The following ENPP1 variants were observed in gnomAD, a reference collection of about 807,000 sequenced individuals.
ENPP1 encodes ectonucleotide pyrophosphatase/phosphodiesterase family member 1.
Under a neutral mutation model 122.8 loss-of-function variants are expected in ENPP1, and 73 were observed. The observed-to-expected ratio is 0.59, with a 90% confidence interval of 0.49 to 0.72. The LOEUF (loss-of-function observed/expected upper bound fraction) is 0.72, where lower values mean the gene tolerates loss of function less well. Among genes scored for constraint, ENPP1 ranks in the 30% least tolerant of loss-of-function variants. The pLI is 0.00. For synonymous variants in ENPP1, 367 were observed against 391.6 expected (o/e 0.94, Z 0.74); for missense variants, 978 against 1,128.1 (o/e 0.87, Z 1.91).
At chr6:131,813,588 T>A (rs1395305480) in intron 1 of ENPP1, among the ~76,000 whole-genome samples, 1 of 151,892 alleles carries the variant, frequency 6.6e-6, no homozygotes, top group East Asian at 1.9e-4. Context: ...AATTGATGGG[T>A]GTGCAGACAT....
intron 23 of ENPP1, 42 bp from the exon 24 acceptor site, chr6:131,886,520 T>C (rs756820784): frequency 1.4e-6 from 2 of 1,406,110 alleles, no homozygotes; most frequent in Non-Finnish European, 2.0e-6. Flanking sequence ...AAAAGGAAGA[T>C]AGTTATTTCT....
At chr6:131,816,234 C>CT (rs1228072177) in intron 1 of ENPP1, among the ~76,000 whole-genome samples, 3 of 151,440 alleles carry the variant, frequency 2.0e-5, no homozygotes, top group East Asian at 1.9e-4. Flanking sequence ...TTTATAACTT[C>CT]TTTTTTTTTC....
At chr6:131,812,068 T>A (rs1171965658) in intron 1 of ENPP1, among the ~76,000 whole-genome samples, 3 of 152,186 alleles carry the variant, frequency 2.0e-5, no homozygotes, top group African/African-American at 7.2e-5. Flanking sequence ...TTTCAGGTCA[T>A]TCACTTACAC....
At chr6:131,860,145 G>C (rs1010574460) in intron 7 of ENPP1, among the ~76,000 whole-genome samples, 1 of 152,168 alleles carries the variant, frequency 6.6e-6, no homozygotes, top group Middle Eastern at 3.4e-3. Context: ...TTTTTATATA[G>C]ATCTTTATCC....
intron 1 of ENPP1, among the ~76,000 whole-genome samples, chr6:131,811,367 T>G (rs1781348465): frequency 7.0e-6 from 1 of 143,242 alleles, no homozygotes; most frequent in African/African-American, 2.9e-5. Flanking sequence ...TATATCTATA[T>G]CTATATCTAT....
chr6:131,870,500 TG>T (rs1431246655), intron 13 of ENPP1, among the ~76,000 whole-genome samples: 5 of 152,234 alleles, frequency 3.3e-5, no homozygotes, highest in Non-Finnish European at 7.3e-5. Flanking sequence ...TTTGTCTTTT[TG>T]ATATGATATA....
intron 1 of ENPP1, among the ~76,000 whole-genome samples, chr6:131,840,197 T>G (rs1781723049): frequency 1.3e-5 from 2 of 152,216 alleles, no homozygotes; most frequent in African/African-American, 4.8e-5. Flanking sequence ...ATGGATTCCC[T>G]TTTCAGTAGC....
intron 11 of ENPP1, among the ~76,000 whole-genome samples, chr6:131,866,610 G>A (rs1292825804): frequency 6.6e-6 from 1 of 152,148 alleles, no homozygotes; most frequent in Non-Finnish European, 1.5e-5. Flanking sequence ...AAGAGAGAAG[G>A]AAGTTGACCC....
At chr6:131,872,009 G>A (rs1054814433) in intron 13 of ENPP1, 61 bp from the exon 14 acceptor site, 12 of 1,193,096 alleles carry the variant, frequency 1.0e-5, no homozygotes, top group Admixed American at 1.7e-5. Context: ...CTATATTTTT[G>A]TATTATGTTT....
chr6:131,890,615 GT>G lies in ENPP1; in HGVS notation c.*106del. 9.5e-7 allele frequency: 1 copy of G among 1,055,734 alleles called. No homozygotes were observed. Among genetic ancestry groups the G allele is most frequent in the Non-Finnish European group, 1.5e-6 (1 of 684,680 alleles). The allele number at this position is 1,055,734 out of a possible 1,614,324, so 65.4% of individuals were successfully genotyped here. ...CATTGTTCAGAAACTGTCGACCAGA[GT>G]TAGAACGGAGCCCTCGGTGATGCGG... On this transcript the variant is annotated 3_prime_UTR_variant, in exon 25 of 25. Coordinates refer to ENST00000647893, the MANE Select transcript of ENPP1 (RefSeq NM_006208.3).
intron 21 of ENPP1, among the ~76,000 whole-genome samples, chr6:131,883,449 C>T (rs955689937): frequency 4.6e-5 from 7 of 152,090 alleles, no homozygotes; most frequent in Non-Finnish European, 8.8e-5. Flanking sequence ...TAATTTGGGG[C>T]TCTTGTTATT....
intron 4 of ENPP1, 57 bp downstream of exon 4, chr6:131,851,324 C>CT: frequency 6.2e-7 from 1 of 1,610,388 alleles, no homozygotes. Flanking sequence ...CTTAGCGGGG[C>CT]TTTACATAGG....
chr6:131,851,053 A>T, intron 3 of ENPP1, 89 bp from the exon 4 acceptor site: 1 of 1,446,286 alleles, frequency 6.9e-7, no homozygotes, highest in African/African-American at 1.4e-5. Flanking sequence ...TTGCTCATGG[A>T]TCATACTCAG....
chr6:131,819,384 A>C (rs1781456296), intron 1 of ENPP1, among the ~76,000 whole-genome samples: 1 of 152,236 alleles, frequency 6.6e-6, no homozygotes, highest in Non-Finnish European at 1.5e-5. Flanking sequence ...TGTGATTTAT[A>C]AATGAGAACA....
At chr6:131,866,657 A>T (rs1267304366) in intron 11 of ENPP1, among the ~76,000 whole-genome samples, 1 of 152,166 alleles carries the variant, frequency 6.6e-6, no homozygotes, top group Non-Finnish European at 1.5e-5. Context: ...TATTCTTTCC[A>T]TCAAAATCCA....
chr6:131,850,233 G>C, intron 3 of ENPP1, 127 bp downstream of exon 3: 1 of 730,406 alleles, frequency 1.4e-6, no homozygotes, highest in Non-Finnish European at 2.5e-6. Flanking sequence ...ATACATACAC[G>C]TTTTGACATT....
chr6:131,847,856 GGTGTGTGTGTGT>G lies in ENPP1; in HGVS notation c.313+35_313+46del, dbSNP rs59956343. 4.9e-5 allele frequency: 58 copies of G among 1,182,004 alleles called. No homozygotes were observed. Among genetic ancestry groups the G allele is most frequent in the South Asian group, 1.9e-4 (14 of 74,978 alleles). 73.2% of individuals were successfully genotyped at this position (1,182,004 alleles called of 1,614,324 possible). ...CAAGCTGTGCCAAAGAAGGTAATTA[GGTGTGTGTGTGT>G]GTGTGTGTGTGTGTGTGTGTGTGTG... On this transcript the variant is annotated intron_variant, in intron 2 of 24. Coordinates refer to ENST00000647893, the MANE Select transcript of ENPP1 (RefSeq NM_006208.3).
chr6:131,844,229 C>T (rs950574619), intron 1 of ENPP1, among the ~76,000 whole-genome samples: 2 of 152,214 alleles, frequency 1.3e-5, no homozygotes, highest in Non-Finnish European at 2.9e-5. Flanking sequence ...GATTCTCTGA[C>T]ATGCACAAAT....
intron 24 of ENPP1, among the ~76,000 whole-genome samples, chr6:131,887,227 A>G (rs913991277): frequency 7.9e-5 from 12 of 152,152 alleles, no homozygotes; most frequent in African/African-American, 2.7e-4. Context: ...GTTAGACAAC[A>G]TTTCAAATTT....
Sources: gnomAD v4.1 joint callset for allele counts (sites outside exome capture counted in the v4.1 genomes callset) on GRCh38, gnomAD v4.1.1 for gene constraint, MANE v1.5 for transcripts, NCBI Gene and HGNC (gene_info 2026-07-23, HGNC 2026-07-21) for gene names.